COL22A1: variants seen among roughly 807,000 people sequenced by gnomAD.
The protein encoded by COL22A1 is collagen type XXII alpha 1 chain, also known as collagen alpha-1(XXII) chain.
In COL22A1, 221 loss-of-function variants were observed where a neutral mutation model predicts 248.9. The ratio of observed to expected loss-of-function variants is 0.89; its 90% CI spans 0.80 to 0.99. COL22A1 has a LOEUF of 0.99. Among genes scored for constraint, COL22A1 ranks in the 50% least tolerant of loss-of-function variants. COL22A1 has a pLI of 0.00. For missense variants in COL22A1, 2,240 were observed against 2,179.0 expected (o/e 1.03, Z -0.56); for synonymous variants, 891 against 793.4 (o/e 1.12, Z -2.07).
At chr8:138,681,497 T>C (rs537345720) in intron 39 of COL22A1, among the ~76,000 whole-genome samples, 1 of 152,330 alleles carries the variant, frequency 6.6e-6, no homozygotes, top group South Asian at 2.1e-4. Flanking sequence ...CCACCATTTC[T>C]GGTGCTCTCA....
intron 16 of COL22A1, among the ~76,000 whole-genome samples, chr8:138,768,137 C>T (rs1295188253): frequency 2.0e-5 from 3 of 152,158 alleles, no homozygotes; most frequent in Admixed American, 2.0e-4. Flanking sequence ...GATCCATTGC[C>T]TCTCCCATTG....
At chr8:138,743,259 T>G (rs1831816511) in intron 22 of COL22A1, among the ~76,000 whole-genome samples, 1 of 151,774 alleles carries the variant, frequency 6.6e-6, no homozygotes, top group African/African-American at 2.4e-5. Flanking sequence ...ATGGTGATGG[T>G]GGTAGTGATT....
intron 18 of COL22A1, among the ~76,000 whole-genome samples, chr8:138,757,728 G>A (rs1307248010): frequency 6.6e-6 from 1 of 152,212 alleles, no homozygotes; most frequent in African/African-American, 2.4e-5. Flanking sequence ...TTAAAGATGA[G>A]GAAACTGGGG....
At chr8:138,857,052 C>T (rs975795543) in intron 3 of COL22A1, among the ~76,000 whole-genome samples, 2 of 152,064 alleles carry the variant, frequency 1.3e-5, no homozygotes, top group African/African-American at 2.4e-5. Context: ...CCCTGCCTGT[C>T]CCCTCCTGGC....
At chr8:138,890,465 T>C (rs1280287886) in intron 1 of COL22A1, among the ~76,000 whole-genome samples, 4 of 152,074 alleles carry the variant, frequency 2.6e-5, no homozygotes, top group Non-Finnish European at 4.4e-5. Flanking sequence ...TCTTTTTTTT[T>C]AGGGATGGGG....
At position 138,726,620 on chromosome 8, in the gene COL22A1, C is replaced by G. The variant is rs576101991; in HGVS notation, c.2140-1180G>C. Among the ~76,000 whole-genome samples the G allele has an allele frequency of 5.9e-5, 9 of 152,110 alleles. No individual in the cohort carries two copies. The East Asian group carries it at 1.7e-3, about 29-fold the overall frequency. Reference sequence around the variant, plus strand: ...TTGCACCTGGGAGTGATGCTGCACTCAGAGGGATGAAGGCAAGTGGGCAGA... The same window carrying G: ...TTGCACCTGGGAGTGATGCTGCACTGAGAGGGATGAAGGCAAGTGGGCAGA... On this transcript the variant is annotated intron_variant, in intron 23 of 64. Coordinates refer to ENST00000303045, the MANE Select transcript of COL22A1 (RefSeq NM_152888.3).
chr8:138,700,137 A>G lies in COL22A1; in HGVS notation c.2567T>C (p.Leu856Pro). Residue 856 changes from leucine (L) to proline (P), a missense_variant, in exon 32 of 65, where the codon CTG (leucine) becomes CCG (proline). By Grantham distance (98) the Leu-to-Pro change is moderately conservative (BLOSUM62 -3). Transcript: ENST00000303045. ...GPPGLPGTTS[L>P]FTPHPRMPGE... ...GGGCATCCGTGGATGTGGTGTGAAC[A>G]GGGATGTCTGAAAAGGAAACCACAG... 1 of 1,613,638 alleles carries G rather than the reference A, an allele frequency of 6.2e-7. No individual in the cohort carries two copies. Among genetic ancestry groups the G allele is most frequent in the East Asian group, 2.2e-5 (1 of 44,866 alleles).
intron 14 of COL22A1, among the ~76,000 whole-genome samples, chr8:138,779,030 A>G (rs1037427313): frequency 4.6e-5 from 7 of 152,258 alleles, no homozygotes; most frequent in South Asian, 2.1e-4. Flanking sequence ...CAATAAAAAT[A>G]TAGTAGATAA....
chr8:138,776,117 G>A, intron 15 of COL22A1, 107 bp from the exon 16 acceptor site: 2 of 1,082,632 alleles, frequency 1.8e-6, no homozygotes, highest in Non-Finnish European at 2.9e-6. Flanking sequence ...AGCCCAGGGT[G>A]GCAGGGATGG....
intron 3 of COL22A1, among the ~76,000 whole-genome samples, chr8:138,856,501 A>C (rs2131931609): frequency 6.6e-6 from 1 of 151,302 alleles, no homozygotes; most frequent in Middle Eastern, 3.4e-3. Context: ...CGAGAGAGAC[A>C]GAGAGAGAGA....
chr8:138,593,978 G>A (rs1200617416), intron 63 of COL22A1, 39 bp downstream of exon 63: 3 of 1,453,156 alleles, frequency 2.1e-6, no homozygotes, highest in Non-Finnish European at 2.7e-6. Flanking sequence ...CCGCCCTCCA[G>A]GAGTACACGG....
chr8:138,647,878 A>G (rs1822350120), intron 46 of COL22A1, among the ~76,000 whole-genome samples: 1 of 152,186 alleles, frequency 6.6e-6, no homozygotes, highest in African/African-American at 2.4e-5. Flanking sequence ...TCCCTAAGTG[A>G]TTTAGAAATG....
chr8:138,856,229 T>C (rs1424861049), intron 3 of COL22A1, among the ~76,000 whole-genome samples: 1 of 152,226 alleles, frequency 6.6e-6, no homozygotes, highest in African/African-American at 2.4e-5. Flanking sequence ...TTGCTGCACC[T>C]GTGTGAGCAC....
chr8:138,870,770 GGTGTGTGTGGTATGTGTAGTGTGGAGA>G (rs1225724111), intron 3 of COL22A1, among the ~76,000 whole-genome samples: 3 of 151,552 alleles, frequency 2.0e-5, no homozygotes, highest in African/African-American at 7.3e-5. Context: ...TAGTATACAT[GGTGTGTGTGGTATGTGTAGTGTGGAGA>G]GTGTGTGTGG....
chr8:138,767,502 C>T (rs572226274), intron 16 of COL22A1, among the ~76,000 whole-genome samples: 1 of 152,210 alleles, frequency 6.6e-6, no homozygotes, highest in African/African-American at 2.4e-5. Context: ...AAGGAAAAAG[C>T]CAGCTGTATT....
chr8:138,844,733 G>A (rs1439611009), intron 3 of COL22A1, among the ~76,000 whole-genome samples: 1 of 152,098 alleles, frequency 6.6e-6, no homozygotes, highest in South Asian at 2.1e-4. Context: ...GGCGGATCAC[G>A]AGGTCAGGAG....
intron 12 of COL22A1, among the ~76,000 whole-genome samples, chr8:138,781,539 T>G (rs2131531933): frequency 6.6e-6 from 1 of 152,264 alleles, no homozygotes; most frequent in Admixed American, 6.5e-5. Context: ...TTCAACTTGT[T>G]TTAATTTTAG....
intron 3 of COL22A1, among the ~76,000 whole-genome samples, chr8:138,856,067 C>A (rs976834386): frequency 6.6e-6 from 1 of 152,176 alleles, no homozygotes; most frequent in South Asian, 2.1e-4. Flanking sequence ...GAAAAAGGGG[C>A]CGTGCCTAGA....
chr8:138,625,317 T>C (rs2079736718), intron 51 of COL22A1, among the ~76,000 whole-genome samples: 2 of 151,668 alleles, frequency 1.3e-5, no homozygotes, highest in African/African-American at 4.9e-5. Flanking sequence ...TTCAGTGCAT[T>C]CTGGGAATCA....
Sources: allele counts gnomAD v4.1 joint callset (sites outside exome capture counted in the v4.1 genomes callset), GRCh38; gene constraint gnomAD v4.1.1; transcripts MANE v1.5; gene names NCBI Gene and HGNC (gene_info 2026-07-23, HGNC 2026-07-21).